SUCLG2: variants seen among roughly 807,000 people sequenced by gnomAD.
SUCLG2 encodes the protein succinate--CoA ligase [GDP-forming] subunit beta, mitochondrial.
Under a neutral mutation model 47.9 loss-of-function variants are expected in SUCLG2, and 42 were observed. That is an observed-to-expected ratio of 0.88 (90% CI 0.69 to 1.14). The LOEUF is 1.14. SUCLG2 is among the 50% of genes most tolerant of loss of function. The pLI is 0.00. For synonymous variants in SUCLG2, 195 were observed against 197.3 expected (o/e 0.99, Z 0.10); for missense variants, 571 against 525.9 (o/e 1.09, Z -0.84).
intron 9 of SUCLG2, among the ~76,000 whole-genome samples, chr3:67,439,321 T>C (rs1010982983): frequency 3.3e-5 from 5 of 152,070 alleles, no homozygotes; most frequent in African/African-American, 7.2e-5. Context: ...CCTTTGAAAA[T>C]TGGCACAAGA....
At chr3:67,436,590 G>T (rs1395983315) in intron 9 of SUCLG2, among the ~76,000 whole-genome samples, 1 of 152,088 alleles carries the variant, frequency 6.6e-6, no homozygotes, top group East Asian at 1.9e-4. Flanking sequence ...TCTGTTGCCT[G>T]GATTACTATA....
chr3:67,535,526 T>C (rs1706515624), intron 2 of SUCLG2, among the ~76,000 whole-genome samples: 1 of 152,104 alleles, frequency 6.6e-6, no homozygotes, highest in African/African-American at 2.4e-5. Flanking sequence ...TGGGAGGTGC[T>C]TGGGTCACGG....
At chr3:67,446,438 T>G (rs1482140660) in intron 9 of SUCLG2, among the ~76,000 whole-genome samples, 1 of 119,080 alleles carries the variant, frequency 8.4e-6, no homozygotes, top group Non-Finnish European at 1.7e-5. Context: ...TTTTTTTTTT[T>G]TTTTTTTTTT....
At chr3:67,575,834 T>A (rs1174845478) in intron 2 of SUCLG2, among the ~76,000 whole-genome samples, 1 of 152,128 alleles carries the variant, frequency 6.6e-6, no homozygotes, top group Non-Finnish European at 1.5e-5. Context: ...AAAAAGTCCA[T>A]CTCATTTAGA....
intron 2 of SUCLG2, among the ~76,000 whole-genome samples, chr3:67,545,635 A>G (rs946007018): frequency 1.3e-5 from 2 of 152,162 alleles, no homozygotes; most frequent in African/African-American, 4.8e-5. Flanking sequence ...AGGGTTGTGA[A>G]GGCCTGAGAA....
chr3:67,428,229 C>G (rs1159538997), intron 9 of SUCLG2, among the ~76,000 whole-genome samples: 1 of 152,202 alleles, frequency 6.6e-6, no homozygotes, highest in African/African-American at 2.4e-5. Flanking sequence ...AGCAGGGTGC[C>G]CCTCTGAGAC....
At chr3:67,638,818 T>C (rs1701050831) in intron 1 of SUCLG2, among the ~76,000 whole-genome samples, 1 of 152,172 alleles carries the variant, frequency 6.6e-6, no homozygotes, top group Non-Finnish European at 1.5e-5. Context: ...TTCTAAACTA[T>C]TCAGCAGCTT....
At chr3:67,605,729 T>A (rs1345738659) in intron 2 of SUCLG2, among the ~76,000 whole-genome samples, 1 of 152,142 alleles carries the variant, frequency 6.6e-6, no homozygotes, top group African/African-American at 2.4e-5. Flanking sequence ...CATTCCTTTA[T>A]CCAGCTTGAT....
intron 4 of SUCLG2, among the ~76,000 whole-genome samples, chr3:67,525,574 C>A (rs1200715844): frequency 6.6e-6 from 1 of 152,068 alleles, no homozygotes; most frequent in African/African-American, 2.4e-5. Context: ...ATATCATAGC[C>A]CTTTTGCCCC....
At chr3:67,557,354 T>C (rs565325422) in intron 2 of SUCLG2, among the ~76,000 whole-genome samples, 1 of 152,318 alleles carries the variant, frequency 6.6e-6, no homozygotes, top group East Asian at 1.9e-4. Context: ...TTGCTCCTTT[T>C]CATATTCAAA....
chr3:67,617,485 T>A (rs1700651223), intron 1 of SUCLG2, among the ~76,000 whole-genome samples: 1 of 152,228 alleles, frequency 6.6e-6, no homozygotes, highest in Admixed American at 6.5e-5. Flanking sequence ...CCCTCCATGT[T>A]CAGGCTAAAG....
intron 9 of SUCLG2, among the ~76,000 whole-genome samples, chr3:67,401,940 C>T (rs1481009506): frequency 6.6e-6 from 1 of 152,164 alleles, no homozygotes; most frequent in East Asian, 1.9e-4. Flanking sequence ...TGTGAGCCTT[C>T]CCAGAACCCT....
chr3:67,409,266 A>G (rs1347450669), intron 9 of SUCLG2, among the ~76,000 whole-genome samples: 1 of 152,186 alleles, frequency 6.6e-6, no homozygotes, highest in East Asian at 1.9e-4. Flanking sequence ...TGTTCCTAAC[A>G]AGAACTCTCT....
intron 10 of SUCLG2, among the ~76,000 whole-genome samples, chr3:67,368,427 T>C (rs1027492660): frequency 3.3e-5 from 5 of 152,164 alleles, no homozygotes; most frequent in African/African-American, 9.6e-5. Flanking sequence ...CATTTTTAGT[T>C]GCTGGTCTTT....
intron 2 of SUCLG2, among the ~76,000 whole-genome samples, chr3:67,578,668 T>C (rs1707806076): frequency 6.6e-6 from 1 of 152,114 alleles, no homozygotes; most frequent in Non-Finnish European, 1.5e-5. Flanking sequence ...TGGGTGTCTC[T>C]AGAGAGGCCA....
intron 2 of SUCLG2, among the ~76,000 whole-genome samples, chr3:67,595,369 G>A (rs1341838910): frequency 6.6e-6 from 1 of 152,108 alleles, no homozygotes; most frequent in African/African-American, 2.4e-5. Flanking sequence ...GGAGGCACCA[G>A]GGCTTCTGAG....
At chr3:67,488,080 TAA>T (rs1187121114) in intron 9 of SUCLG2, among the ~76,000 whole-genome samples, 4 of 151,938 alleles carry the variant, frequency 2.6e-5, no homozygotes, top group Non-Finnish European at 2.9e-5. Context: ...TTATATGATA[TAA>T]GTCTAGTTTT....
At position 67,459,608 on chromosome 3, in the gene SUCLG2, C is replaced by CATGGTAAATGAGAGAAAGT. The variant is rs561177545; in HGVS notation, c.1062+36171_1062+36189dup. Among the ~76,000 whole-genome samples, 7 of 152,248 alleles carry CATGGTAAATGAGAGAAAGT rather than the reference C, an allele frequency of 4.6e-5. No homozygotes were observed. In the South Asian group the frequency reaches 1.5e-3, roughly 32 times the overall value. ...AAGAACAGAACTATTGGAAGTACTC[C>CATGGTAAATGAGAGAAAGT]ATGGTAAATGAGAGAAAGTATGCCA... is the stretch of plus-strand genomic sequence containing the variant. On this transcript the variant is annotated intron_variant, in intron 9 of 10. Coordinates refer to ENST00000307227, the MANE Select transcript of SUCLG2 (RefSeq NM_003848.4).
intron 9 of SUCLG2, among the ~76,000 whole-genome samples, chr3:67,436,574 G>C (rs1280937069): frequency 1.3e-5 from 2 of 152,188 alleles, no homozygotes; most frequent in African/African-American, 4.8e-5. Context: ...CGATGTGCTA[G>C]TCAAGTCTGT....
Sources: allele counts gnomAD v4.1 joint callset (sites outside exome capture counted in the v4.1 genomes callset), GRCh38; gene constraint gnomAD v4.1.1; transcripts MANE v1.5; gene names NCBI Gene and HGNC (gene_info 2026-07-23, HGNC 2026-07-21).